The following OCM variants were observed in gnomAD, a reference collection of about 807,000 sequenced individuals.
OCM encodes oncomodulin, also known as oncomodulin-1.
Under a neutral mutation model 14.1 loss-of-function variants are expected in OCM, and 18 were observed. The observed-to-expected ratio is 1.28, with a 90% CI of 0.88 to 1.89. The LOEUF (loss-of-function observed/expected upper bound fraction) is 1.89. Ranked by LOEUF, OCM falls within the 40% of genes most tolerant of loss-of-function variation. OCM has a pLI of 0.00. For missense variants in OCM, 140 were observed against 137.6 expected, an observed-to-expected ratio of 1.02 and a Z score of -0.09; for synonymous variants, 48 against 51.0, an observed-to-expected ratio of 0.94 and a Z score of 0.25.
intron 1 of OCM, 80 bp downstream of exon 1, chr7:5,881,030 G>T (rs1459727639): frequency 7.0e-7 from 1 of 1,438,192 alleles, no homozygotes; most frequent in Non-Finnish European, 9.8e-7. Context: ...CAAAATGTAG[G>T]CCAGGCGGCC....
chr7:5,869,083 A>T, the OCM span, among the ~76,000 whole-genome samples: 1 of 152,032 alleles, frequency 6.6e-6, no homozygotes, highest in Non-Finnish European at 1.5e-5. Context: ...AAAACAAAAC[A>T]AAACAAAAAG....
At chr7:5,876,960 C>T (rs954449326), upstream of OCM, among the ~76,000 whole-genome samples, 1 of 152,156 alleles carries the variant, frequency 6.6e-6, no homozygotes. Flanking sequence ...CATGCGCCAC[C>T]ATGCTCGGCT....
chr7:5,884,179 C>G (rs576394344), intron 3 of OCM, among the ~76,000 whole-genome samples, 180 bp downstream of exon 3: 1 of 152,082 alleles, frequency 6.6e-6, no homozygotes, highest in Non-Finnish European at 1.5e-5. Context: ...GTGTAAAAAC[C>G]CTGGCATAAT....
chr7:5,864,643 G>A, the OCM span, among the ~76,000 whole-genome samples: 1 of 151,998 alleles, frequency 6.6e-6, no homozygotes, highest in Admixed American at 6.6e-5. Flanking sequence ...AAGCCTTTTG[G>A]GCAAAGTTCT....
At chr7:5,880,163 G>C (rs994499947), upstream of OCM, among the ~76,000 whole-genome samples, 2 of 152,178 alleles carry the variant, frequency 1.3e-5, 1 homozygote, top group South Asian at 4.1e-4. Context: ...TCTGCAAGCA[G>C]CCCAAACTGT....
chr7:5,877,609 A>G (rs376596462), upstream of OCM, among the ~76,000 whole-genome samples: 2 of 151,994 alleles, frequency 1.3e-5, no homozygotes, highest in African/African-American at 4.8e-5. Flanking sequence ...ACTTGAGATC[A>G]GGAGTTCGAG....
chr7:5,872,225 T>G, the OCM span, among the ~76,000 whole-genome samples: 3 of 152,174 alleles, frequency 2.0e-5, no homozygotes, highest in Non-Finnish European at 2.9e-5. Flanking sequence ...ACGGGGTCTG[T>G]GTGTTCCTGG....
chr7:5,880,307 A>G (rs1781183677), upstream of OCM, among the ~76,000 whole-genome samples: 2 of 152,030 alleles, frequency 1.3e-5, no homozygotes, highest in African/African-American at 4.8e-5. Flanking sequence ...ATAAGAAAAC[A>G]ATTGAATCCT....
the OCM span, among the ~76,000 whole-genome samples, chr7:5,872,970 A>G: frequency 2.0e-5 from 3 of 152,146 alleles, no homozygotes; most frequent in Admixed American, 1.3e-4. Flanking sequence ...TGGGAGGCCA[A>G]GAAGGGAGGA....
the OCM span, among the ~76,000 whole-genome samples, chr7:5,869,220 A>G: frequency 2.4e-4 from 37 of 152,332 alleles, no homozygotes; most frequent in East Asian, 6.8e-3. Context: ...AGTGTTCCCC[A>G]CGAGGGGGTG....
Position 5,880,852 on chromosome 7 carries a change from T to C in OCM, c.-38T>C, listed in dbSNP as rs372287224. The C allele has an allele frequency of 1.3e-4, 202 of 1,604,266 alleles. No homozygotes were observed. Among genetic ancestry groups the C allele is most frequent in the Non-Finnish European group, 1.6e-4 (189 of 1,171,266 alleles). On this transcript the variant is annotated 5_prime_UTR_variant, in exon 1 of 4. Transcript: ENST00000242104. ...GGATGTGCACATTCCTGTTTGTGGC[T>C]TATCGCCTCTCATTTATTCTGTGTG...
the OCM span, among the ~76,000 whole-genome samples, chr7:5,871,030 C>A: frequency 6.6e-6 from 1 of 151,932 alleles, no homozygotes; most frequent in Non-Finnish European, 1.5e-5. Flanking sequence ...GCTGGGATAA[C>A]AGTCATGGTG....
Position 5,883,982 on chromosome 7 carries a change from G to C in OCM, c.287G>C (p.Gly96Ala). 6.2e-7 allele frequency: 1 copy of C among 1,612,790 alleles called. No individual in the cohort carries two copies. Among genetic ancestry groups the C allele is most frequent in the Non-Finnish European group, 8.5e-7 (1 of 1,179,386 alleles). Residue 96 changes from glycine to alanine, a missense_variant, in exon 3 of 4, where the codon GGG becomes GCG. Gly to Ala is a moderately conservative substitution (Grantham distance 60). Transcript: ENST00000242104. ...GCTGCGGCGGATAATGATGGAGATG[G>C]GAAAATTGGAGCAGAGGGTATGTCC... is the stretch of plus-strand genomic sequence containing the variant. ...LMAAADNDGDGKIGAEEFQEM... is the reference protein window; with the variant it reads ...LMAAADNDGDAKIGAEEFQEM...
rs1238303134 is a variant in OCM, at chr7:5,882,076, ACT to A, written c.62-414_62-413del. Among the ~76,000 whole-genome samples, 21 of 108,820 alleles carry A rather than the reference ACT, an allele frequency of 1.9e-4. No homozygotes were observed. In the South Asian group the frequency reaches 4.0e-3, roughly 21 times the overall value. 71.4% of individuals were successfully genotyped at this position (108,820 alleles called of 152,430 possible). A position where few individuals can be genotyped will look rare whatever the true frequency, so the allele number is the denominator to read the frequency against. On this transcript the variant is annotated intron_variant, in intron 1 of 3. Coordinates refer to ENST00000242104, the MANE Select transcript of OCM (RefSeq NM_001097622.2). ...CACTCCAGCCTGGTGACAGAGTGAG[ACT>A]CTGTCTCAAAAAAAAAAAAAAAAAA...
At position 5,886,108 on chromosome 7, in the gene OCM, AAAAG is replaced by A; in HGVS notation, c.*21_*24del. 6.2e-7 allele frequency: 1 copy of A among 1,610,534 alleles called. No homozygotes were observed. Among genetic ancestry groups the A allele is most frequent in the East Asian group, 2.2e-5 (1 of 44,862 alleles). On this transcript the variant is annotated 3_prime_UTR_variant, in exon 4 of 4. Coordinates refer to ENST00000242104, the MANE Select transcript of OCM (RefSeq NM_001097622.2). The stretch of plus-strand genomic sequence containing the variant: ...TTCTTAAAAGCCCCAGTCTCTGGAG[AAAAG>A]AGAGAAAGGGATAATCACCTGGAAG...
the OCM span, among the ~76,000 whole-genome samples, chr7:5,860,366 A>G: frequency 7.7e-6 from 1 of 130,580 alleles, no homozygotes; most frequent in African/African-American, 2.8e-5. Flanking sequence ...ATATATATGC[A>G]TATATATATA....
At chr7:5,862,100 C>T in the OCM span, among the ~76,000 whole-genome samples, 3 of 152,226 alleles carry the variant, frequency 2.0e-5, no homozygotes, top group African/African-American at 4.8e-5. Flanking sequence ...TGATGAATAA[C>T]GTTAAGCATC....
At chr7:5,880,516 T>A (rs896392578), upstream of OCM, among the ~76,000 whole-genome samples, 3 of 152,158 alleles carry the variant, frequency 2.0e-5, no homozygotes, top group Admixed American at 1.3e-4. Context: ...CCCAGCACTT[T>A]GTGAGGCCAA....
chr7:5,877,289 C>T (rs908560510), upstream of OCM, among the ~76,000 whole-genome samples: 2 of 150,864 alleles, frequency 1.3e-5, no homozygotes, highest in African/African-American at 4.9e-5. Flanking sequence ...CATCGTGAGG[C>T]CCCCGTTTCT....
Sources: gnomAD v4.1 joint callset for allele counts (sites outside exome capture counted in the v4.1 genomes callset) on GRCh38, gnomAD v4.1.1 for gene constraint, MANE v1.5 for transcripts, NCBI Gene and HGNC (gene_info 2026-07-23, HGNC 2026-07-21) for gene names.